GRID1: variants seen among roughly 807,000 people sequenced by gnomAD.
GRID1 encodes the protein glutamate receptor ionotropic, delta-1.
GRID1 carries 28 observed loss-of-function variants against 98.0 expected under a neutral mutation model. The observed-to-expected ratio is 0.29, with a 90% CI of 0.21 to 0.39. The LOEUF (loss-of-function observed/expected upper bound fraction) is 0.39. Among genes scored for constraint, GRID1 ranks in the 10% least tolerant of loss-of-function variants. The pLI, the probability that GRID1 is intolerant of heterozygous loss-of-function variation, is 1.00. For missense variants in GRID1, 1,111 were observed against 1,340.5 expected (o/e 0.83, Z 2.67); for synonymous variants, 553 against 538.5 (o/e 1.03, Z -0.37).
At chr10:85,836,865 G>A (rs1842915810) in intron 8 of GRID1, among the ~76,000 whole-genome samples, 1 of 151,970 alleles carries the variant, frequency 6.6e-6, no homozygotes, top group African/African-American at 2.4e-5. Context: ...GTGCCCTGGT[G>A]GCACACACCA....
intron 4 of GRID1, among the ~76,000 whole-genome samples, chr10:86,085,847 C>T (rs539504667): frequency 3.9e-5 from 6 of 152,214 alleles, no homozygotes; most frequent in East Asian, 1.9e-4. Context: ...TGATACTCAC[C>T]GAGCCCCAAG....
At chr10:85,751,179 T>C (rs1842042470) in intron 8 of GRID1, among the ~76,000 whole-genome samples, 2 of 152,112 alleles carry the variant, frequency 1.3e-5, no homozygotes, top group South Asian at 4.1e-4. Context: ...GAGCAGAAAG[T>C]CTGGCTGAGC....
chr10:85,803,138 A>C lies in GRID1; in HGVS notation c.1233+51358T>G, dbSNP rs75673693. Among the ~76,000 whole-genome samples, 731 of 152,262 alleles carry C rather than the reference A, an allele frequency of 4.8e-3. 6 individuals are homozygous for C. Among genetic ancestry groups the C allele is most frequent in the African/African-American group, 0.017 (699 of 41,582 alleles). On this transcript the variant is annotated intron_variant, in intron 8 of 15. Transcript: ENST00000327946. ...GTTAATGGGTACAAAACATATAGTT[A>C]AAAGAATGAGTAAGAGCTATTATTT...
chr10:85,846,078 G>GT (rs756202027), intron 8 of GRID1, among the ~76,000 whole-genome samples: 1 of 152,122 alleles, frequency 6.6e-6, no homozygotes, highest in Non-Finnish European at 1.5e-5. Flanking sequence ...TGTGATTCAC[G>GT]TAAGATTTAG....
chr10:86,228,514 C>A (rs1846394371), intron 2 of GRID1, among the ~76,000 whole-genome samples: 1 of 152,182 alleles, frequency 6.6e-6, no homozygotes, highest in Non-Finnish European at 1.5e-5. Flanking sequence ...CCTCAATCAA[C>A]ACCCACCTGG....
intron 4 of GRID1, among the ~76,000 whole-genome samples, chr10:85,953,022 A>G (rs957068190): frequency 6.6e-6 from 1 of 152,222 alleles, no homozygotes; most frequent in Non-Finnish European, 1.5e-5. Context: ...TTGTAAGAGT[A>G]TAATACATAA....
intron 8 of GRID1, among the ~76,000 whole-genome samples, chr10:85,798,438 A>T (rs1046855576): frequency 6.6e-6 from 1 of 152,208 alleles, no homozygotes; most frequent in South Asian, 2.1e-4. Flanking sequence ...TTTTTTGAGG[A>T]AACACCAAAC....
chr10:86,004,518 T>A (rs113286019), intron 4 of GRID1, among the ~76,000 whole-genome samples: 1 of 152,260 alleles, frequency 6.6e-6, no homozygotes, highest in Non-Finnish European at 1.5e-5. Context: ...GTGGGCCTCA[T>A]CCAATCAGTT....
At chr10:86,188,135 A>G (rs1845751918) in intron 3 of GRID1, among the ~76,000 whole-genome samples, 1 of 152,208 alleles carries the variant, frequency 6.6e-6, no homozygotes, top group Non-Finnish European at 1.5e-5. Flanking sequence ...TGGCTCCTAC[A>G]TGGACTGCAG....
intron 8 of GRID1, among the ~76,000 whole-genome samples, chr10:85,776,001 G>A (rs984312384): frequency 3.0e-4 from 45 of 151,874 alleles, no homozygotes; most frequent in Admixed American, 2.2e-3. Flanking sequence ...TTAAATATAT[G>A]TAACTGAGAT....
At chr10:85,907,163 G>A (rs1841473329) in intron 5 of GRID1, among the ~76,000 whole-genome samples, 2 of 152,168 alleles carry the variant, frequency 1.3e-5, no homozygotes, top group Admixed American at 6.5e-5. Flanking sequence ...CCAGGTTGGA[G>A]TGCAATGGCA....
chr10:85,877,469 C>T (rs953226436), intron 5 of GRID1, among the ~76,000 whole-genome samples: 19 of 152,232 alleles, frequency 1.2e-4, no homozygotes, highest in Non-Finnish European at 2.1e-4. Context: ...CTACAGCCAC[C>T]GCTGTTCTGC....
Position 85,602,429 on chromosome 10 carries a change from C to A in GRID1, c.2874G>T (p.Ser958=). 2 of 1,614,104 alleles carry A rather than the reference C, an allele frequency of 1.2e-6. No homozygotes were observed. Among genetic ancestry groups the A allele is most frequent in the Non-Finnish European group, 1.7e-6 (2 of 1,180,014 alleles). The part of the protein sequence containing the change: ...SSNLPLPLSS[S]ATMPSMQCKH... ...TGCACTGCATGGAGGGCATGGTCGC[C>A]GAGCTGCTCAGCGGCAGCGGCAGGT... Residue 958 remains serine, a synonymous_variant, in exon 16 of 16, where the codon TCG becomes TCT. Coordinates refer to ENST00000327946, the MANE Select transcript of GRID1 (RefSeq NM_017551.3).
chr10:86,194,314 C>T (rs1845844298), intron 3 of GRID1, among the ~76,000 whole-genome samples: 1 of 152,042 alleles, frequency 6.6e-6, no homozygotes, highest in Admixed American at 6.6e-5. Context: ...GGAATAAAGC[C>T]CACTCTGCAG....
At chr10:85,768,298 C>G (rs964953066) in intron 8 of GRID1, among the ~76,000 whole-genome samples, 7 of 151,888 alleles carry the variant, frequency 4.6e-5, no homozygotes, top group African/African-American at 1.7e-4. Context: ...AGGATTTAAA[C>G]ACATCAAATT....
chr10:85,859,442 G>C (rs1437881383), intron 6 of GRID1, among the ~76,000 whole-genome samples: 3 of 152,028 alleles, frequency 2.0e-5, no homozygotes, highest in African/African-American at 7.2e-5. Flanking sequence ...GATGCATGGA[G>C]TGATTGATGG....
At chr10:86,164,173 A>G (rs1845365119) in intron 3 of GRID1, among the ~76,000 whole-genome samples, 1 of 152,244 alleles carries the variant, frequency 6.6e-6, no homozygotes, top group Non-Finnish European at 1.5e-5. Context: ...TCTAACGATG[A>G]CATTTGTACT....
At chr10:86,171,576 G>C (rs1220207731) in intron 3 of GRID1, among the ~76,000 whole-genome samples, 2 of 152,208 alleles carry the variant, frequency 1.3e-5, no homozygotes, top group Non-Finnish European at 2.9e-5. Context: ...TGGGAAAAGA[G>C]GAGGTTCTGC....
At chr10:85,694,595 TATATATAA>T (rs1331407518) in intron 12 of GRID1, among the ~76,000 whole-genome samples, 5 of 90,464 alleles carry the variant, frequency 5.5e-5, no homozygotes, top group African/African-American at 1.9e-4. Flanking sequence ...TATATATATA[TATATATAA>T]TGGAATATTA....
Sources: allele counts gnomAD v4.1 joint callset (sites outside exome capture counted in the v4.1 genomes callset), GRCh38; gene constraint gnomAD v4.1.1; transcripts MANE v1.5; gene names NCBI Gene and HGNC (gene_info 2026-07-23, HGNC 2026-07-21).